WDPCP: variants seen among roughly 807,000 people sequenced by gnomAD.
WDPCP encodes WD repeat containing planar cell polarity effector, also known as WD repeat-containing and planar cell polarity effector protein fritz homolog.
Under a neutral mutation model 93.1 loss-of-function variants are expected in WDPCP, and 71 were observed. The observed-to-expected ratio is 0.76, with a 90% confidence interval of 0.63 to 0.93. WDPCP has a LOEUF of 0.93. Ranked by LOEUF, WDPCP falls within the 40% of genes least tolerant of loss-of-function variation. The pLI, the probability that WDPCP is intolerant of heterozygous loss-of-function variation, is 0.00. For synonymous variants in WDPCP, 315 were observed against 315.0 expected (o/e 1.00, Z 0.00); for missense variants, 844 against 887.4 (o/e 0.95, Z 0.62).
chr2:63,380,739 T>C (rs909839372), intron 11 of WDPCP, among the ~76,000 whole-genome samples: 1 of 151,838 alleles, frequency 6.6e-6, no homozygotes, highest in Non-Finnish European at 1.5e-5. Context: ...AAAAGAAAAA[T>C]ATCGGAATTT....
intron 1 of WDPCP, among the ~76,000 whole-genome samples, chr2:63,531,654 GA>G (rs1373953479): frequency 6.6e-6 from 1 of 152,112 alleles, no homozygotes; most frequent in African/African-American, 2.4e-5. Context: ...CTAGCAAGCA[GA>G]AAAGAATAAC....
intron 2 of WDPCP, among the ~76,000 whole-genome samples, chr2:63,685,447 C>T (rs535783131): frequency 1.0e-4 from 15 of 150,458 alleles, no homozygotes; most frequent in African/African-American, 3.5e-4. Context: ...GTAACAAGAA[C>T]GAAGCTGTAG....
intron 6 of WDPCP, among the ~76,000 whole-genome samples, chr2:63,458,810 C>T (rs1698812046): frequency 6.6e-6 from 1 of 152,108 alleles, no homozygotes; most frequent in Non-Finnish European, 1.5e-5. Context: ...GGAGGCATCA[C>T]ACTACCTGAC....
chr2:63,394,533 C>A (rs1178567381), intron 10 of WDPCP, among the ~76,000 whole-genome samples: 1 of 152,122 alleles, frequency 6.6e-6, no homozygotes, highest in Non-Finnish European at 1.5e-5. Context: ...AATCTCATTA[C>A]TGGGTATATA....
intron 3 of WDPCP, among the ~76,000 whole-genome samples, chr2:63,637,217 G>T (rs1047901205): frequency 5.9e-5 from 9 of 152,048 alleles, no homozygotes; most frequent in Non-Finnish European, 1.3e-4. Flanking sequence ...GCTGGGCATG[G>T]TGGCACGTGC....
intron 3 of WDPCP, among the ~76,000 whole-genome samples, chr2:63,635,946 C>T (rs1011817369): frequency 6.6e-6 from 1 of 152,126 alleles, no homozygotes; most frequent in Non-Finnish European, 1.5e-5. Flanking sequence ...TGGTCTTGTA[C>T]ATAGAAAATC....
rs1697213934 is a variant in WDPCP at position 63,437,502 on chromosome 2, T to C, written c.552A>G (p.Leu184=). 1.9e-6 allele frequency: 3 copies of C among 1,598,718 alleles called. No homozygotes were observed. Among genetic ancestry groups the C allele is most frequent in the East Asian group, 4.5e-5 (2 of 44,572 alleles). Residue 184 remains leucine, a synonymous_variant, in exon 8 of 18, where the codon CTA becomes CTG. Coordinates refer to ENST00000272321, the MANE Select transcript of WDPCP (RefSeq NM_015910.7). ...TCTTCTTGGTAAACTGAATAAAACA[T>C]AGTTTGTTTTGTGCCAAAAATGATA... ...IILSFLAQNK[L]CFIQFTKKME...
chr2:63,623,893 A>G (rs1453551399), intron 3 of WDPCP, among the ~76,000 whole-genome samples: 1 of 152,190 alleles, frequency 6.6e-6, no homozygotes, highest in Non-Finnish European at 1.5e-5. Flanking sequence ...AATTCTCAGC[A>G]CCACATTGCA....
chr2:63,462,933 A>G lies in WDPCP; in HGVS notation c.384+21671T>C, dbSNP rs561035177. Among the ~76,000 whole-genome samples, 386 of 152,118 alleles carry G rather than the reference A, an allele frequency of 2.5e-3. 1 individual carries two copies. Among genetic ancestry groups the G allele is most frequent in the Middle Eastern group, 6.8e-3 (2 of 294 alleles). ...CTATCTTTGAGCTGCTTAAGGGGAGACATTAAGTAGTCAGCTGGATTTATA... is the reference window on the plus strand; with the variant it reads ...CTATCTTTGAGCTGCTTAAGGGGAGGCATTAAGTAGTCAGCTGGATTTATA... On this transcript the variant is annotated intron_variant, in intron 6 of 17. Coordinates refer to ENST00000272321, the MANE Select transcript of WDPCP (RefSeq NM_015910.7).
chr2:63,770,565 CAA>C (rs1670210435), intron 2 of WDPCP, among the ~76,000 whole-genome samples: 1 of 151,592 alleles, frequency 6.6e-6, no homozygotes, highest in South Asian at 2.1e-4. Context: ...AACAAAAAAA[CAA>C]AATTATAGTG....
At chr2:63,729,162 C>G (rs1484671733) in intron 2 of WDPCP, among the ~76,000 whole-genome samples, 1 of 152,060 alleles carries the variant, frequency 6.6e-6, no homozygotes, top group Admixed American at 6.5e-5. Flanking sequence ...CAAACACTGA[C>G]TTGGAGATAA....
chr2:63,455,413 G>GATATATATATATATATATAT (rs59481179), intron 6 of WDPCP, among the ~76,000 whole-genome samples: 1 of 140,914 alleles, frequency 7.1e-6, no homozygotes, highest in African/African-American at 2.6e-5. Context: ...TACTTGTAAA[G>GATATATATATATATATATAT]ATATATATAT....
intron 3 of WDPCP, 36 bp from the exon 4 acceptor site, chr2:63,486,622 C>A: frequency 6.5e-7 from 1 of 1,532,448 alleles, no homozygotes; most frequent in Non-Finnish European, 8.9e-7. Context: ...AAGAAAAAAA[C>A]AAAAGTAGAA....
At chr2:63,819,448 C>T (rs962066619) in intron 1 of WDPCP, among the ~76,000 whole-genome samples, 4 of 152,130 alleles carry the variant, frequency 2.6e-5, no homozygotes, top group African/African-American at 9.7e-5. Context: ...TAGTCATAAA[C>T]CAGCAGGTGG....
Position 63,588,459 on chromosome 2 carries a change from C to G in WDPCP, c.-188G>C, listed in dbSNP as rs187916591. The G allele has an allele frequency of 4.1e-3, 2,872 of 694,572 alleles. 56 individuals carry two copies. Among genetic ancestry groups the G allele is most frequent in the Non-Finnish European group, 8.9e-4 (341 of 382,454 alleles). 43.0% of individuals were successfully genotyped at this position (694,572 alleles called of 1,614,324 possible). On this transcript the variant is annotated 5_prime_UTR_variant, in exon 1 of 18. Transcript: ENST00000272321. ...GTCGCTTAGCAACCTGAGAAGCTGT[C>G]CGGTCGTCCCAACTTATCAATTCCC... is the stretch of plus-strand genomic sequence containing the variant.
At chr2:63,297,684 A>G (rs1575085895) in intron 13 of WDPCP, among the ~76,000 whole-genome samples, 1 of 152,174 alleles carries the variant, frequency 6.6e-6, no homozygotes, top group East Asian at 1.9e-4. Context: ...CAGAGATTCT[A>G]TAGTGTTATT....
At chr2:63,137,399 C>T (rs539338475) in intron 17 of WDPCP, among the ~76,000 whole-genome samples, 113 of 152,184 alleles carry the variant, frequency 7.4e-4, no homozygotes, top group South Asian at 1.7e-3. Flanking sequence ...CTGCTGCCCA[C>T]TTTTAATAGA....
intron 2 of WDPCP, among the ~76,000 whole-genome samples, chr2:63,747,324 G>T (rs1164729937): frequency 6.6e-6 from 1 of 151,856 alleles, no homozygotes; most frequent in African/African-American, 2.4e-5. Flanking sequence ...TCTTTCACCT[G>T]TTTGTCTTTT....
At chr2:63,839,102 A>C in the WDPCP span, among the ~76,000 whole-genome samples, 7 of 152,330 alleles carry the variant, frequency 4.6e-5, no homozygotes, top group South Asian at 4.1e-4. Context: ...AGTGTACAAC[A>C]ACCTTTGGTA....
Sources: allele counts gnomAD v4.1 joint callset (sites outside exome capture counted in the v4.1 genomes callset), GRCh38; gene constraint gnomAD v4.1.1; transcripts MANE v1.5; gene names NCBI Gene and HGNC (gene_info 2026-07-23, HGNC 2026-07-21).